The following GNAL variants were observed in gnomAD, a reference collection of about 807,000 sequenced individuals.
The protein encoded by GNAL is G protein subunit alpha L.
In GNAL, 18 loss-of-function variants were observed where a neutral mutation model predicts 55.1. The ratio of observed to expected loss-of-function variants is 0.33; its 90% CI spans 0.23 to 0.48. GNAL has a LOEUF of 0.48. GNAL is among the 20% of genes least tolerant of loss of function. The probability of loss-of-function intolerance (pLI) is 0.99; values close to 1 mark genes in which losing one functional copy is unlikely to be tolerated. For synonymous variants in GNAL, 253 were observed against 237.0 expected, an observed-to-expected ratio of 1.07 and a Z score of -0.62; for missense variants, 412 against 614.1, an observed-to-expected ratio of 0.67 and a Z score of 3.48.
chr18:11,774,296 T>G (rs1301201930), intron 4 of GNAL, among the ~76,000 whole-genome samples: 1 of 152,232 alleles, frequency 6.6e-6, no homozygotes, highest in African/African-American at 2.4e-5. Flanking sequence ...CTCTGCCTTC[T>G]GTCAGTTTTC....
chr18:11,845,611 TC>T (rs150079606), intron 5 of GNAL, among the ~76,000 whole-genome samples: 9,734 of 152,144 alleles, frequency 0.064, 424 homozygotes, highest in African/African-American at 0.12. Flanking sequence ...GAGTAGATTT[TC>T]CTCCTACAAA....
chr18:11,878,536 A>G (rs7239624), intron 11 of GNAL, among the ~76,000 whole-genome samples: 122,450 of 152,220 alleles, frequency 0.8, 49,479 homozygotes, highest in African/African-American at 0.84. Context: ...AGACAGGGAC[A>G]AATAGTCACA....
At chr18:11,846,462 TATACACAC>T (rs1177226939) in intron 5 of GNAL, among the ~76,000 whole-genome samples, 1 of 20,196 alleles carries the variant, frequency 5.0e-5, no homozygotes, top group African/African-American at 7.3e-5. Context: ...TATATATAAA[TATACACAC>T]ACACACACAC....
chr18:11,845,332 A>G (rs1310721851), intron 5 of GNAL, among the ~76,000 whole-genome samples: 1 of 152,140 alleles, frequency 6.6e-6, no homozygotes, highest in African/African-American at 2.4e-5. Flanking sequence ...ATCATTTTCC[A>G]TCCAGAAGCA....
Position 11,884,946 on chromosome 18 carries a change from CAG to C in GNAL, c.*3816_*3817del, listed in dbSNP as rs1037296108. 4 of 1,288,528 alleles carry C rather than the reference CAG, an allele frequency of 3.1e-6. No individual in the cohort carries two copies. The East Asian group carries it at 1.9e-4, about 61-fold the overall frequency. 79.8% of individuals were successfully genotyped at this position (1,288,528 alleles called of 1,614,324 possible). A position where few individuals can be genotyped will look rare whatever the true frequency, so the allele number is the denominator to read the frequency against. On this transcript the variant is annotated 3_prime_UTR_variant, in exon 12 of 12. Coordinates refer to ENST00000334049, the MANE Select transcript of GNAL (RefSeq NM_182978.4). ...TAGTGGGGGATCCATAACAGAGATTCAGAGAGGCACCGTGGAGTTCCAGGGTC... is the reference window on the plus strand; with the variant it reads ...TAGTGGGGGATCCATAACAGAGATTCAGAGGCACCGTGGAGTTCCAGGGTC...
rs181245450 is a variant in GNAL, at chr18:11,847,059, G to A, written c.723-15336G>A. On this transcript the variant is annotated intron_variant, in intron 5 of 11. Coordinates refer to ENST00000334049, the MANE Select transcript of GNAL (RefSeq NM_182978.4). Reference sequence around the variant, plus strand: ...TAATATATATATACATATATGTAATGTATTCCTCAAAATGGTCACCAAGTG... The same window carrying A: ...TAATATATATATACATATATGTAATATATTCCTCAAAATGGTCACCAAGTG... Among the ~76,000 whole-genome samples, 66 of 151,490 alleles carry A rather than the reference G, an allele frequency of 4.4e-4. 3 individuals carry two copies. The highest frequency in any genetic ancestry group is 2.1e-3 in the South Asian group (10 of 4,816).
At position 11,784,543 on chromosome 18, in the gene GNAL, T is replaced by A. The variant is rs141543559; in HGVS notation, c.624+30598T>A. ...CCAAAAAGAGCCACATGATTATGTA[T>A]TGCTTGAGCAGAAGCAGATTGTATA... On this transcript the variant is annotated intron_variant, in intron 4 of 11. Coordinates refer to ENST00000334049, the MANE Select transcript of GNAL (RefSeq NM_182978.4). Among the ~76,000 whole-genome samples the A allele has an allele frequency of 4.1e-4, 62 of 152,388 alleles. 1 individual carries two copies. Among genetic ancestry groups the A allele is most frequent in the Middle Eastern group, 6.8e-3 (2 of 294 alleles).
chr18:11,753,723 G>A, intron 3 of GNAL, 41 bp downstream of exon 3: 2 of 1,465,916 alleles, frequency 1.4e-6, no homozygotes, highest in South Asian at 2.3e-5. Context: ...GAAAGGTCAA[G>A]TGCTCTTCAT....
rs201898548 is a variant in GNAL, at chr18:11,689,670, CGGCCCT to C, written c.113_118del (p.Leu38_Ala39del). ...GAGGACGCGCAGCCCGCCCCGGCCC[CGGCCCT>C]GGCCCCAGTCCGGGCGGCCGCAAGG... On this transcript the variant is annotated inframe_deletion, in exon 1 of 12. Transcript: ENST00000334049. 4,141 of 1,441,192 alleles carry C rather than the reference CGGCCCT, an allele frequency of 2.9e-3. 95 individuals are homozygous for C. The African/African-American group carries it at 0.053, about 18-fold the overall frequency. 89.3% of individuals were successfully genotyped at this position (1,441,192 alleles called of 1,614,324 possible).
chr18:11,795,390 C>CAAAAAAAA (rs752221474), intron 4 of GNAL, among the ~76,000 whole-genome samples: 1 of 68,260 alleles, frequency 1.5e-5, no homozygotes, highest in South Asian at 5.7e-4. Flanking sequence ...GACCCTGTCT[C>CAAAAAAAA]AAAAAAAAAA....
intron 4 of GNAL, among the ~76,000 whole-genome samples, chr18:11,780,137 T>C (rs2033889004): frequency 6.6e-6 from 1 of 152,228 alleles, no homozygotes; most frequent in Non-Finnish European, 1.5e-5. Flanking sequence ...TACAAGTATA[T>C]CTCTGTGACA....
chr18:11,876,183 A>C (rs1189275085), intron 10 of GNAL, among the ~76,000 whole-genome samples: 7 of 152,222 alleles, frequency 4.6e-5, no homozygotes, highest in African/African-American at 1.7e-4. Flanking sequence ...GAGGGCAATG[A>C]AAATTACATG....
At chr18:11,788,201 C>G (rs1040025273) in intron 4 of GNAL, among the ~76,000 whole-genome samples, 4 of 152,162 alleles carry the variant, frequency 2.6e-5, no homozygotes, top group African/African-American at 9.7e-5. Flanking sequence ...AAACAAGATC[C>G]CTAAGCCTGT....
At chr18:11,734,377 G>A (rs2032414478) in intron 1 of GNAL, among the ~76,000 whole-genome samples, 1 of 151,924 alleles carries the variant, frequency 6.6e-6, no homozygotes, top group Non-Finnish European at 1.5e-5. Flanking sequence ...CCTTGACCTC[G>A]TGATCCACCC....
intron 7 of GNAL, among the ~76,000 whole-genome samples, chr18:11,865,025 T>A (rs1213645375): frequency 6.6e-6 from 1 of 152,078 alleles, no homozygotes; most frequent in African/African-American, 2.4e-5. Context: ...TGATAAGACA[T>A]TAATTCTCCC....
chr18:11,880,206 G>A (rs7240878), intron 11 of GNAL, among the ~76,000 whole-genome samples: 90,575 of 150,526 alleles, frequency 0.6, 28,456 homozygotes, highest in East Asian at 0.77. Context: ...GCAGTGAGCC[G>A]AGATGGCACC....
Position 11,868,743 on chromosome 18 carries a change from T to C in GNAL, c.1031+80T>C, listed in dbSNP as rs1489650656. On this transcript the variant is annotated intron_variant, in intron 9 of 11. Transcript: ENST00000334049. This position sits in a 1 kb window ranked among gnomAD's most constrained non-coding sequence, Gnocchi z 4.0. Reference sequence around the variant, plus strand: ...AAAAATACGCTCAGGCCAGGCGTTGTGGCTCACACCTGTAATCTCAACACT... The same window carrying C: ...AAAAATACGCTCAGGCCAGGCGTTGCGGCTCACACCTGTAATCTCAACACT... 11 of 1,234,448 alleles carry C rather than the reference T, an allele frequency of 8.9e-6. No individual in the cohort carries two copies. Among genetic ancestry groups the C allele is most frequent in the Non-Finnish European group, 1.3e-5 (11 of 871,104 alleles). 76.5% of individuals were successfully genotyped at this position (1,234,448 alleles called of 1,614,324 possible).
At chr18:11,797,861 C>T (rs1252100756) in intron 4 of GNAL, among the ~76,000 whole-genome samples, 2 of 151,948 alleles carry the variant, frequency 1.3e-5, no homozygotes, top group African/African-American at 4.8e-5. Context: ...AAGATCACTA[C>T]TAAAAAGTCA....
chr18:11,870,605 A>G (rs939352222), intron 9 of GNAL, among the ~76,000 whole-genome samples: 2 of 152,184 alleles, frequency 1.3e-5, no homozygotes, highest in Admixed American at 6.5e-5. Context: ...GATGATCTCT[A>G]AGATCCCTTA....
Sources: allele counts gnomAD v4.1 joint callset (sites outside exome capture counted in the v4.1 genomes callset), GRCh38; gene constraint gnomAD v4.1.1; non-coding constraint Gnocchi (gnomAD v3.1); transcripts MANE v1.5; gene names NCBI Gene and HGNC (gene_info 2026-07-23, HGNC 2026-07-21).